Variants in GFOD2 observed in about 807,000 individuals in gnomAD.
The protein encoded by GFOD2 is Gfo/Idh/MocA-like oxidoreductase domain containing 2.
In GFOD2, 9 loss-of-function variants were observed where a neutral mutation model predicts 24.6. That is an observed-to-expected ratio of 0.37 (90% confidence interval 0.22 to 0.64). The LOEUF is 0.64. Ranked by LOEUF, GFOD2 falls within the 30% of genes least tolerant of loss-of-function variation. The pLI is 0.65. For synonymous variants in GFOD2, 211 were observed against 224.8 expected, an observed-to-expected ratio of 0.94 and a Z score of 0.55; for missense variants, 476 against 532.5, an observed-to-expected ratio of 0.89 and a Z score of 1.04.
chr16:67,707,794 C>A (rs2053448897), intron 1 of GFOD2, among the ~76,000 whole-genome samples: 1 of 152,082 alleles, frequency 6.6e-6, no homozygotes, highest in Admixed American at 6.6e-5. Flanking sequence ...CAAGTGATCC[C>A]CCTGCCTCAG....
At position 67,675,129 on chromosome 16, in the gene GFOD2, C is replaced by T. The variant is rs2053173053; in HGVS notation, c.*26G>A. 1 of 1,591,148 alleles carries T rather than the reference C, an allele frequency of 6.3e-7. No homozygotes were observed. The highest frequency in any genetic ancestry group is 1.7e-5 in the Admixed American group (1 of 58,766). On this transcript the variant is annotated 3_prime_UTR_variant, in exon 3 of 3. Transcript: ENST00000268797. ...TGTTCCCCTCCCTGGTCCCTCTGCC[C>T]TGTGGCAAGGAGCCCAGGTGCAGGC...
chr16:67,700,721 AAAC>A (rs1462025304), intron 1 of GFOD2, among the ~76,000 whole-genome samples: 6 of 150,250 alleles, frequency 4.0e-5, no homozygotes, highest in Non-Finnish European at 7.4e-5. Flanking sequence ...CAAAAAAACA[AAAC>A]AAACAAACAA....
chr16:67,714,243 G>T (rs1456808124), intron 1 of GFOD2, among the ~76,000 whole-genome samples: 1 of 148,630 alleles, frequency 6.7e-6, no homozygotes, highest in African/African-American at 2.6e-5. Flanking sequence ...ACTTTGGGAG[G>T]CTGAGGTGAG....
intron 1 of GFOD2, among the ~76,000 whole-genome samples, chr16:67,707,007 C>T (rs1265900799): frequency 2.0e-5 from 3 of 148,372 alleles, no homozygotes; most frequent in Non-Finnish European, 4.5e-5. Flanking sequence ...TGCAGTGAGC[C>T]GAGATCGCAC....
intron 2 of GFOD2, chr16:67,681,445 G>A: frequency 1.0e-6 from 1 of 974,068 alleles, no homozygotes; most frequent in Non-Finnish European, 1.2e-6. Context: ...TTTTTAGATG[G>A]GGACTCGCTT....
intron 1 of GFOD2, among the ~76,000 whole-genome samples, chr16:67,692,153 G>A (rs1358250554): frequency 1.3e-5 from 2 of 151,490 alleles, no homozygotes; most frequent in Non-Finnish European, 1.5e-5. Context: ...GGTAAAGTGT[G>A]GGGGATATAC....
chr16:67,677,622 G>A (rs570240269), intron 2 of GFOD2: 7 of 152,484 alleles, frequency 4.6e-5, no homozygotes, highest in Non-Finnish European at 8.8e-5. Flanking sequence ...TTGGGGATTG[G>A]GGAGAGGCAA....
At chr16:67,692,936 G>A (rs1366089128) in intron 1 of GFOD2, among the ~76,000 whole-genome samples, 2 of 149,848 alleles carry the variant, frequency 1.3e-5, no homozygotes, top group South Asian at 2.1e-4. Flanking sequence ...AGGCTGAGGC[G>A]GGAGAATGGC....
intron 1 of GFOD2, among the ~76,000 whole-genome samples, chr16:67,686,814 C>T (rs1202650474): frequency 5.3e-5 from 8 of 150,520 alleles, no homozygotes; most frequent in Admixed American, 2.0e-4. Context: ...CCAGCCTGGG[C>T]GACAAGAGTG....
intron 1 of GFOD2, among the ~76,000 whole-genome samples, chr16:67,701,439 C>T (rs539331549): frequency 7.2e-5 from 11 of 152,164 alleles, no homozygotes; most frequent in Non-Finnish European, 1.3e-4. Flanking sequence ...GAACATACTA[C>T]GGATATATGC....
rs1597788263 is a variant in GFOD2 at position 67,675,272 on chromosome 16, C to T, written c.1041G>A (p.Val347=). 1 of 1,613,000 alleles carries T rather than the reference C, an allele frequency of 6.2e-7. No homozygotes were observed. Among genetic ancestry groups the T allele is most frequent in the Non-Finnish European group, 8.5e-7 (1 of 1,180,028 alleles). Residue 347 remains valine (V), a synonymous_variant, in exon 3 of 3, where the codon GTG becomes GTA. Coordinates refer to ENST00000268797, the MANE Select transcript of GFOD2 (RefSeq NM_030819.4). ...SFEDGLYMQS[V]VDAIKRSSRS... is the part of the protein sequence containing the mutation. ...GGCTCGACCTCTTGATGGCATCCACCACGCTCTGCATGTACAGCCCATCCT... is the reference window on the plus strand; with the variant it reads ...GGCTCGACCTCTTGATGGCATCCACTACGCTCTGCATGTACAGCCCATCCT...
chr16:67,683,122 G>A, intron 2 of GFOD2: 1 of 787,810 alleles, frequency 1.3e-6, no homozygotes, highest in Non-Finnish European at 1.5e-6. Context: ...CACCATGCCT[G>A]GCTAATTTTT....
chr16:67,687,864 AGC>A (rs904907160), intron 1 of GFOD2, among the ~76,000 whole-genome samples: 1 of 151,654 alleles, frequency 6.6e-6, no homozygotes, highest in African/African-American at 2.4e-5. Context: ...CTATAGTCCC[AGC>A]TATTTGGGAG....
intron 1 of GFOD2, among the ~76,000 whole-genome samples, chr16:67,708,278 T>C (rs2053451518): frequency 1.3e-5 from 2 of 152,336 alleles, no homozygotes; most frequent in South Asian, 4.1e-4. Context: ...TAGAAGTCTC[T>C]TTCCTTTAAA....
chr16:67,683,366 C>T (rs370689771), intron 2 of GFOD2: 9 of 1,226,400 alleles, frequency 7.3e-6, no homozygotes, highest in Admixed American at 4.2e-5. Context: ...GTTCTGGCTC[C>T]GGACACACCT....
chr16:67,678,813 G>A (rs773602403), intron 2 of GFOD2, among the ~76,000 whole-genome samples: 2 of 152,058 alleles, frequency 1.3e-5, no homozygotes, highest in Non-Finnish European at 2.9e-5. Flanking sequence ...TATTACCATC[G>A]CCAAGGGAGG....
chr16:67,679,641 C>T (rs2053209449), intron 2 of GFOD2, among the ~76,000 whole-genome samples: 1 of 151,962 alleles, frequency 6.6e-6, no homozygotes, highest in South Asian at 2.1e-4. Context: ...GTAATCCCAG[C>T]ACTTTGGGAG....
chr16:67,702,540 T>C (rs1477486414), intron 1 of GFOD2, among the ~76,000 whole-genome samples: 1 of 151,670 alleles, frequency 6.6e-6, no homozygotes, highest in African/African-American at 2.4e-5. Flanking sequence ...TACGCTCTGT[T>C]ATAAGGCCCA....
At chr16:67,704,102 GC>G (rs1380514236) in intron 1 of GFOD2, among the ~76,000 whole-genome samples, 1 of 152,196 alleles carries the variant, frequency 6.6e-6, no homozygotes, top group Non-Finnish European at 1.5e-5. Context: ...GTCAGTGAAT[GC>G]TCGGGTTGCT....
Sources: allele counts gnomAD v4.1 joint callset (sites outside exome capture counted in the v4.1 genomes callset), GRCh38; gene constraint gnomAD v4.1.1; transcripts MANE v1.5; gene names NCBI Gene and HGNC (gene_info 2026-07-23, HGNC 2026-07-21).